Variants in TXNRD1 observed in about 807,000 individuals in gnomAD.
TXNRD1 encodes the protein thioredoxin reductase 1, cytoplasmic.
TXNRD1 carries 57 observed loss-of-function variants against 80.3 expected under a neutral mutation model. The observed-to-expected ratio is 0.71, with a 90% CI of 0.57 to 0.89. The LOEUF is 0.89. TXNRD1 is among the 40% of genes least tolerant of loss of function. The pLI, the probability that TXNRD1 is intolerant of heterozygous loss-of-function variation, is 0.00. For missense variants in TXNRD1, 730 were observed against 803.0 expected (o/e 0.91, Z 1.10); for synonymous variants, 291 against 285.2 (o/e 1.02, Z -0.20).
At position 104,327,448 on chromosome 12, in the gene TXNRD1, G is replaced by A. The variant is rs1446297087; in HGVS notation, c.1386-67G>A. 3.3e-5 allele frequency: 49 copies of A among 1,493,516 alleles called. No homozygotes were observed. The East Asian group carries it at 3.9e-4, about 12-fold the overall frequency. The allele number at this position is 1,493,516 out of a possible 1,614,324, so 92.5% of individuals were successfully genotyped here. A position where few individuals can be genotyped will look rare whatever the true frequency, so the allele number is the denominator to read the frequency against. On this transcript the variant is annotated intron_variant, in intron 12 of 16. Coordinates refer to ENST00000525566, the MANE Select transcript of TXNRD1 (RefSeq NM_001093771.3). ...CAATTTTGGGCTTCCCTGAAAAAAC[G>A]GAAGATTTTGTTCTCCTTAATTAAT...
chr12:104,280,720 T>C (rs1002804590), intron 3 of TXNRD1: 5 of 152,152 alleles, frequency 3.3e-5, no homozygotes, highest in African/African-American at 9.7e-5. Flanking sequence ...AGAGAAAAGA[T>C]GGAGGTTTCC....
At chr12:104,234,123 G>A (rs2135686391) in intron 1 of TXNRD1, among the ~76,000 whole-genome samples, 1 of 152,212 alleles carries the variant, frequency 6.6e-6, no homozygotes, top group East Asian at 1.9e-4. Flanking sequence ...CTTCGAGAAG[G>A]AACAAAGCAA....
At chr12:104,286,660 G>A (rs1348042345) in intron 3 of TXNRD1, 1 of 932,294 alleles carries the variant, frequency 1.1e-6, no homozygotes, top group African/African-American at 1.8e-5. Context: ...CTAGGGGTGG[G>A]AGCCAGGCAC....
intron 5 of TXNRD1, among the ~76,000 whole-genome samples, chr12:104,312,307 G>A (rs1217573328): frequency 6.6e-6 from 1 of 152,258 alleles, no homozygotes; most frequent in East Asian, 1.9e-4. Context: ...TAGGAGTGAG[G>A]CTCCTGGTTC....
intron 15 of TXNRD1, among the ~76,000 whole-genome samples, chr12:104,334,958 A>C (rs1039624742): frequency 2.0e-5 from 3 of 152,194 alleles, no homozygotes; most frequent in Non-Finnish European, 4.4e-5. Context: ...TGAATAACAA[A>C]AAAGAACAGG....
intron 11 of TXNRD1, 103 bp from the exon 12 acceptor site, chr12:104,326,243 GA>G: frequency 1.3e-6 from 1 of 753,560 alleles, no homozygotes; most frequent in Non-Finnish European, 2.1e-6. Flanking sequence ...TTCCAAGTTT[GA>G]AAAATGAAAT....
At chr12:104,218,148 C>A (rs2032262953) in intron 1 of TXNRD1, among the ~76,000 whole-genome samples, 1 of 152,024 alleles carries the variant, frequency 6.6e-6, no homozygotes, top group African/African-American at 2.4e-5. Context: ...CTCCCTCAGT[C>A]TCCCAAATAG....
chr12:104,277,157 C>T (rs1489810847), intron 3 of TXNRD1, among the ~76,000 whole-genome samples: 1 of 150,300 alleles, frequency 6.7e-6, no homozygotes, highest in Non-Finnish European at 1.5e-5. Flanking sequence ...TTGGGGAGGC[C>T]GAGGCGGGTG....
intron 6 of TXNRD1, among the ~76,000 whole-genome samples, chr12:104,314,803 G>A (rs1390811124): frequency 1.4e-5 from 2 of 144,110 alleles, no homozygotes; most frequent in Non-Finnish European, 3.0e-5. Context: ...GTGCAGTGGC[G>A]CTATCTCGGC....
At chr12:104,258,706 G>A (rs550730742) in intron 3 of TXNRD1, among the ~76,000 whole-genome samples, 12 of 152,266 alleles carry the variant, frequency 7.9e-5, no homozygotes, top group East Asian at 1.9e-4. Flanking sequence ...TAGTAGGATC[G>A]CTTGAGGCCA....
rs1408736423 is a variant in TXNRD1 at position 104,217,354 on chromosome 12, AG to A, written c.91+1463del. Among the ~76,000 whole-genome samples the A allele has an allele frequency of 1.3e-3, 189 of 146,092 alleles. 1 individual carries two copies. Among genetic ancestry groups the A allele is most frequent in the African/African-American group, 3.9e-3 (152 of 38,930 alleles). ...TTTTTTAGTTTCGCTCTCGTTGCCC[AG>A]GCTGGGGTGCAATGGCGCCATCTTG... On this transcript the variant is annotated intron_variant, in intron 1 of 16. Transcript: ENST00000525566.
intron 1 of TXNRD1, among the ~76,000 whole-genome samples, chr12:104,233,464 C>T (rs1216183879): frequency 6.6e-6 from 1 of 152,010 alleles, no homozygotes; most frequent in Admixed American, 6.5e-5. Flanking sequence ...TTTCCAAATT[C>T]TAGAGGAACC....
chr12:104,254,644 A>AAAAAAAAAAATATATATAT, intron 2 of TXNRD1, among the ~76,000 whole-genome samples: 18 of 93,616 alleles, frequency 1.9e-4, no homozygotes, highest in South Asian at 1.4e-3. Flanking sequence ...AAAAAAAAAA[A>AAAAAAAAAAATATATATAT]ATATATATAT....
intron 3 of TXNRD1, among the ~76,000 whole-genome samples, chr12:104,287,963 C>CTTTGTTT (rs537758940): frequency 1.3e-5 from 2 of 152,198 alleles, no homozygotes; most frequent in Non-Finnish European, 2.9e-5. Flanking sequence ...AGCAGCTATA[C>CTTTGTTT]TTTGTTTTTT....
intron 10 of TXNRD1, among the ~76,000 whole-genome samples, chr12:104,322,957 GCGGT>G (rs2035593318): frequency 7.3e-6 from 1 of 137,148 alleles, no homozygotes; most frequent in Non-Finnish European, 1.6e-5. Context: ...GCGGCCTTCC[GCGGT>G]GTTTGTGTCC....
intron 13 of TXNRD1, 76 bp downstream of exon 13, chr12:104,327,747 G>A: frequency 4.7e-6 from 7 of 1,497,692 alleles, no homozygotes; most frequent in Middle Eastern, 1.7e-4. Context: ...GGGCAGTTGG[G>A]AAGTTTCGCA....
intron 5 of TXNRD1, among the ~76,000 whole-genome samples, chr12:104,312,014 G>GTA (rs915959506): frequency 4.4e-5 from 6 of 137,068 alleles, no homozygotes; most frequent in Admixed American, 1.5e-4. Context: ...GTATATATAT[G>GTA]TATATATACA....
At position 104,239,296 on chromosome 12, in the gene TXNRD1, C is replaced by T. The variant is rs1157884822; in HGVS notation, c.92-12231C>T. On this transcript the variant is annotated intron_variant, in intron 1 of 16. Coordinates refer to ENST00000525566, the MANE Select transcript of TXNRD1 (RefSeq NM_001093771.3). ...GCAACCTCTGCCTCCTGGGTTCAAG[C>T]GATTCTTCTGTCTCAGCCTCCTGGG... is the stretch of plus-strand genomic sequence containing the variant. Among the ~76,000 whole-genome samples the T allele has an allele frequency of 2.6e-5, 4 of 151,188 alleles. No homozygotes were observed. The East Asian group carries it at 5.8e-4, about 22-fold the overall frequency.
intron 4 of TXNRD1, among the ~76,000 whole-genome samples, chr12:104,291,825 C>A (rs967671116): frequency 6.6e-6 from 1 of 152,130 alleles, no homozygotes; most frequent in African/African-American, 2.4e-5. Context: ...AAAGGAGAAA[C>A]AGCAAGGTAA....
Sources: allele counts gnomAD v4.1 joint callset (sites outside exome capture counted in the v4.1 genomes callset), GRCh38; gene constraint gnomAD v4.1.1; transcripts MANE v1.5; gene names NCBI Gene and HGNC (gene_info 2026-07-23, HGNC 2026-07-21).